The following PARP10 variants were observed in gnomAD, a reference collection of about 807,000 sequenced individuals.
PARP10 encodes protein mono-ADP-ribosyltransferase PARP10.
In PARP10, 56 loss-of-function variants were observed where a neutral mutation model predicts 82.4. The ratio of observed to expected loss-of-function variants is 0.68; its 90% CI spans 0.55 to 0.85. PARP10 has a LOEUF of 0.85. Among genes scored for constraint, PARP10 ranks in the 40% least tolerant of loss-of-function variants. The pLI is 0.00. For synonymous variants in PARP10, 576 were observed against 601.1 expected (o/e 0.96, Z 0.61); for missense variants, 1,227 against 1,379.4 (o/e 0.89, Z 1.75).
Position 143,977,460 on chromosome 8 carries a change from G to A in PARP10, c.*24C>T. 6.6e-7 allele frequency: 1 copy of A among 1,508,592 alleles called. No homozygotes were observed. Among genetic ancestry groups the A allele is most frequent in the South Asian group, 1.3e-5 (1 of 79,308 alleles). 93.5% of individuals were successfully genotyped at this position (1,508,592 alleles called of 1,614,324 possible). A position where few individuals can be genotyped will look rare whatever the true frequency, so the allele number is the denominator to read the frequency against. On this transcript the variant is annotated 3_prime_UTR_variant, in exon 11 of 11. Transcript: ENST00000313028. ...GCGGAGCTGGGAGCCTGGGAAGCAGGAGGCCAGAGGGTGGCCCCTTCGGTT... is the reference window on the plus strand; with the variant it reads ...GCGGAGCTGGGAGCCTGGGAAGCAGAAGGCCAGAGGGTGGCCCCTTCGGTT...
At chr8:143,983,121 C>T in intron 8 of PARP10, 46 bp downstream of exon 8, 1 of 1,612,370 alleles carries the variant, frequency 6.2e-7, no homozygotes, top group Non-Finnish European at 8.5e-7. Context: ...CTAGCCCCTG[C>T]TAACCAGCCC....
chr8:143,983,168 G>C lies in PARP10; in HGVS notation c.2421C>G (p.Thr807=). The stretch of plus-strand genomic sequence containing the variant: ...CCTCAGTCCAGGAGGTAGACTCACA[G>C]GTAGGGCCTGAAGCTGCCAAGGGAA... ...LAFPLAASGP[T]LAGQTLKGPW... is the part of the protein sequence containing the mutation. The change falls in exon 8 of 11, where the codon ACC becomes ACG. Residue 807 remains threonine, a splice_region_variant and synonymous_variant. Coordinates refer to ENST00000313028, the MANE Select transcript of PARP10 (RefSeq NM_032789.5). 4 of 1,613,228 alleles carry C rather than the reference G, an allele frequency of 2.5e-6. No homozygotes were observed. The highest frequency in any genetic ancestry group is 3.4e-6 in the Non-Finnish European group (4 of 1,179,550).
chr8:143,982,797 A>G (rs1168632030), intron 9 of PARP10, 135 bp downstream of exon 9: 1 of 1,399,440 alleles, frequency 7.1e-7, no homozygotes, highest in African/African-American at 1.4e-5. Flanking sequence ...GGCAGAGAAC[A>G]GGGCTGGGAG....
rs782179876 is a variant in PARP10 at position 143,986,222 on chromosome 8, G to A, written c.14C>T (p.Ala5Val). 1.6e-5 allele frequency: 26 copies of A among 1,613,852 alleles called. No homozygotes were observed. The highest frequency in any genetic ancestry group is 2.0e-5 in the Non-Finnish European group (24 of 1,179,938). ...CACTGCCACCCCTGCCTCTGCCTCC[G>A]CCATTGCAACCCTGGGACGGGGCAT... MVAM[A>V]EAEAGVAVEV... is the part of the protein sequence containing the mutation. The change falls in exon 2 of 11, where the codon GCG becomes GTG. Residue 5 changes from alanine (A) to valine (V), a missense_variant. Coordinates refer to ENST00000313028, the MANE Select transcript of PARP10 (RefSeq NM_032789.5).
chr8:143,992,411 G>A, upstream of PARP10: 1 of 1,612,766 alleles, frequency 6.2e-7, no homozygotes, highest in Non-Finnish European at 8.5e-7. Context: ...GGCCGCAGGG[G>A]CTGAGCAGCT....
upstream of PARP10, chr8:143,992,287 G>A (rs1554750674): frequency 3.1e-6 from 5 of 1,593,032 alleles, no homozygotes; most frequent in South Asian, 1.1e-5. Context: ...GGGGATGATC[G>A]CCAGCTTCTA....
intron 1 of PARP10, among the ~76,000 whole-genome samples, chr8:144,001,919 GTT>G (rs1404889378): frequency 1.4e-5 from 2 of 139,352 alleles, no homozygotes; most frequent in Non-Finnish European, 3.0e-5. Context: ...TATTCTCAGT[GTT>G]AATTTTGTTA....
At chr8:143,991,305 C>A (rs1554750393), upstream of PARP10, 2 of 1,423,672 alleles carry the variant, frequency 1.4e-6, no homozygotes, top group Non-Finnish European at 1.9e-6. Flanking sequence ...GCCCCAGCCA[C>A]CCATGCCCCC....
upstream of PARP10, chr8:143,992,286 C>A (rs201654173): frequency 1.1e-5 from 18 of 1,593,658 alleles, no homozygotes; most frequent in Non-Finnish European, 1.5e-5. Context: ...TGGGGATGAT[C>A]GCCAGCTTCT....
At chr8:143,986,521 C>G, upstream of PARP10, 2 of 1,080,046 alleles carry the variant, frequency 1.9e-6, no homozygotes, top group African/African-American at 1.6e-5. Flanking sequence ...GGCCTGGGTA[C>G]TGGGGCTCAG....
At position 143,984,279 on chromosome 8, in the gene PARP10, C is replaced by G. The variant is rs373969280; in HGVS notation, c.1611G>C (p.Glu537Asp). 2 of 1,614,098 alleles carry G rather than the reference C, an allele frequency of 1.2e-6. No individual in the cohort carries two copies. Among genetic ancestry groups the G allele is most frequent in the East Asian group, 2.2e-5 (1 of 44,886 alleles). ...TCCCAAAGACACACTGGAACTGAGC[C>G]TCCAGCCCCTGGAGAAGGTGCTGCC... ...PEGQHLLQGL[E>D]AQFQCVFGTE... The change falls in exon 6 of 11, where the codon GAG (glutamate) becomes GAC (aspartate). Residue 537 changes from glutamate to aspartate, a missense_variant. Physicochemically the swap from Glu to Asp is conservative, Grantham distance 45. Transcript: ENST00000313028.
At position 143,983,635 on chromosome 8, in the gene PARP10, C is replaced by A; in HGVS notation, c.1954G>T (p.Glu652Ter). Residue 652 changes from glutamate (E) to a stop codon, truncating the protein, a stop_gained, in exon 8 of 11, where the codon GAG becomes TAG. Coordinates refer to ENST00000313028, the MANE Select transcript of PARP10 (RefSeq NM_032789.5). LOFTEE classifies it high-confidence loss of function. Reference sequence around the variant, plus strand: ...AGGGCCAGCTGCAGAGCGGCCTCCTCCTCCAGCCACCTGGGTGCCACAGTG... The same window carrying A: ...AGGGCCAGCTGCAGAGCGGCCTCCTACTCCAGCCACCTGGGTGCCACAGTG... ...PSTVAPRWLE[E>*]EAALQLALHR... 6.2e-7 allele frequency: 1 copy of A among 1,605,828 alleles called. No homozygotes were observed. The highest frequency in any genetic ancestry group is 8.5e-7 in the Non-Finnish European group (1 of 1,176,178).
upstream of PARP10, chr8:143,991,010 G>A (rs2133062410): frequency 2.6e-6 from 1 of 379,362 alleles, no homozygotes; most frequent in South Asian, 5.2e-5. Context: ...AAGGCCCCAC[G>A]GCGCCGCCCG....
At chr8:143,983,910 TA>T in intron 7 of PARP10, 97 bp downstream of exon 7, 1 of 1,490,910 alleles carries the variant, frequency 6.7e-7, no homozygotes, top group Non-Finnish European at 9.0e-7. Flanking sequence ...AGGGTGGGCC[TA>T]AGATGGGTCA....
At chr8:144,010,799 C>T (rs1415202203) in intron 1 of PARP10, among the ~76,000 whole-genome samples, 4 of 151,914 alleles carry the variant, frequency 2.6e-5, no homozygotes, top group African/African-American at 7.3e-5. Context: ...GCAGCAGGAT[C>T]GCTTGAGCAT....
In PARP10 at chr8:143,997,372, G is replaced by T. The variant is rs1834171103; in HGVS notation, c.-79-10934C>A. On this transcript the variant is annotated intron_variant, in intron 1 of 3. Coordinates refer to the PARP10 transcript ENST00000530478. Reference sequence around the variant, plus strand: ...CAACTCCTTCCTCCCAGTCTGGCCAGCTTTTCACTGGTATCCACAGCTTCG... The same window carrying T: ...CAACTCCTTCCTCCCAGTCTGGCCATCTTTTCACTGGTATCCACAGCTTCG... Among the ~76,000 whole-genome samples, 3 of 152,254 alleles carry T rather than the reference G, an allele frequency of 2.0e-5. No homozygotes were observed. The South Asian group carries it at 6.2e-4, about 32-fold the overall frequency.
intron 9 of PARP10, among the ~76,000 whole-genome samples, chr8:143,981,493 G>C (rs1554747737): frequency 9.5e-6 from 1 of 105,376 alleles, no homozygotes; most frequent in Non-Finnish European, 1.9e-5. Flanking sequence ...GGTGACGACA[G>C]TGAGTGGTGA....
chr8:143,983,698 TCAC>T lies in PARP10; in HGVS notation c.1888_1890del (p.Val630del), dbSNP rs782705788. ...GGCTCCTCCTCCTCATGCCCTGGGGTCACCTCCTCCTCTGGCTGCTCCTGAGGC... is the reference window on the plus strand; with the variant it reads ...GGCTCCTCCTCCTCATGCCCTGGGGTCTCCTCCTCTGGCTGCTCCTGAGGC... On this transcript the variant is annotated inframe_deletion, in exon 8 of 11. Coordinates refer to ENST00000313028, the MANE Select transcript of PARP10 (RefSeq NM_032789.5). The T allele has an allele frequency of 5.6e-6, 9 of 1,609,166 alleles. No homozygotes were observed. The highest frequency in any genetic ancestry group is 7.6e-6 in the Non-Finnish European group (9 of 1,177,580).
At chr8:143,995,314 C>A (rs782339688), upstream of PARP10, among the ~76,000 whole-genome samples, 5 of 152,186 alleles carry the variant, frequency 3.3e-5, no homozygotes, top group Non-Finnish European at 5.9e-5. Context: ...CACAAGGAAG[C>A]CATTGAGACA....
Sources: allele counts gnomAD v4.1 joint callset (sites outside exome capture counted in the v4.1 genomes callset), GRCh38; gene constraint gnomAD v4.1.1; transcripts MANE v1.5; gene names NCBI Gene and HGNC (gene_info 2026-07-23, HGNC 2026-07-21).